The following RIMS2 variants were observed in gnomAD, a reference collection of about 807,000 sequenced individuals.
RIMS2 encodes the protein regulating synaptic membrane exocytosis 2, also known as regulating synaptic membrane exocytosis protein 2.
Under a neutral mutation model 174.4 loss-of-function variants are expected in RIMS2, and 59 were observed. The observed-to-expected ratio is 0.34, with a 90% confidence interval of 0.27 to 0.42. The LOEUF (loss-of-function observed/expected upper bound fraction) is 0.42, where lower values mean the gene tolerates loss of function less well. RIMS2 is among the 10% of genes least tolerant of loss of function. The probability of loss-of-function intolerance (pLI) is 1.00; values close to 1 mark genes in which losing one functional copy is unlikely to be tolerated. For synonymous variants in RIMS2, 606 were observed against 572.5 expected (o/e 1.06, Z -0.84); for missense variants, 1,620 against 1,666.3 (o/e 0.97, Z 0.48).
intron 5 of RIMS2, among the ~76,000 whole-genome samples, chr8:103,911,178 A>T (rs979899435): frequency 6.6e-6 from 1 of 152,184 alleles, no homozygotes. Context: ...TAAATTTTGC[A>T]TGAAGATATG....
intron 1 of RIMS2, chr8:103,652,626 G>A (rs1223373606): frequency 1.5e-6 from 2 of 1,344,638 alleles, no homozygotes; most frequent in South Asian, 1.1e-5. Context: ...TTAAACAGGT[G>A]GTTTCCCTTT....
At chr8:103,632,968 T>C (rs2095975765) in intron 1 of RIMS2, among the ~76,000 whole-genome samples, 1 of 145,760 alleles carries the variant, frequency 6.9e-6, no homozygotes, top group Non-Finnish European at 1.5e-5. Context: ...CTCCTGACCC[T>C]GTGATCCGCC....
At chr8:103,767,542 A>G (rs897474991) in intron 3 of RIMS2, among the ~76,000 whole-genome samples, 4 of 152,190 alleles carry the variant, frequency 2.6e-5, no homozygotes, top group Admixed American at 2.6e-4. Context: ...TCTGGTTTAT[A>G]CTATTTCTGT....
chr8:103,601,085 G>A (rs747148396), intron 1 of RIMS2, among the ~76,000 whole-genome samples: 22 of 152,194 alleles, frequency 1.4e-4, no homozygotes, highest in Non-Finnish European at 2.9e-4. Context: ...CGTTGTTTGA[G>A]CTCCTTATAT....
intron 1 of RIMS2, among the ~76,000 whole-genome samples, chr8:103,577,600 T>TA (rs1451198724): frequency 6.6e-6 from 1 of 152,216 alleles, no homozygotes; most frequent in East Asian, 1.9e-4. Flanking sequence ...TCCCAGAACT[T>TA]AAAGTATAAT....
At chr8:103,992,017 T>C (rs1053571315) in intron 17 of RIMS2, among the ~76,000 whole-genome samples, 6 of 152,228 alleles carry the variant, frequency 3.9e-5, no homozygotes, top group African/African-American at 1.4e-4. Context: ...AAGGATATAT[T>C]CACTTGCAAA....
chr8:104,213,875 C>T (rs1341707818), intron 19 of RIMS2, among the ~76,000 whole-genome samples: 3 of 113,518 alleles, frequency 2.6e-5, no homozygotes, highest in African/African-American at 7.6e-5. Flanking sequence ...GACTCTGCCT[C>T]GGAAAAAAAA....
chr8:103,776,431 A>C (rs946774317), intron 3 of RIMS2, among the ~76,000 whole-genome samples: 8 of 152,178 alleles, frequency 5.3e-5, no homozygotes, highest in African/African-American at 1.9e-4. Context: ...GGAGATTATA[A>C]ATTAGGGTAG....
chr8:104,079,620 TATATATATATATA>T, intron 19 of RIMS2, among the ~76,000 whole-genome samples: 1 of 132,442 alleles, frequency 7.6e-6, no homozygotes, highest in African/African-American at 2.8e-5. Flanking sequence ...TATATATATA[TATATATATATATA>T]TATATATATG....
intron 1 of RIMS2, among the ~76,000 whole-genome samples, chr8:103,530,058 T>C (rs926936593): frequency 3.9e-5 from 6 of 152,102 alleles, no homozygotes; most frequent in East Asian, 1.9e-4. Flanking sequence ...TGGAAATTAG[T>C]GTTGGGTGTA....
chr8:103,570,607 T>C (rs1000156702), intron 1 of RIMS2, among the ~76,000 whole-genome samples: 16 of 152,306 alleles, frequency 1.1e-4, no homozygotes, highest in South Asian at 2.1e-4. Flanking sequence ...AATTGTGTTT[T>C]ATTTCTTGGT....
intron 14 of RIMS2, among the ~76,000 whole-genome samples, chr8:103,960,140 G>T (rs2089446299): frequency 6.6e-6 from 1 of 152,154 alleles, no homozygotes; most frequent in South Asian, 2.1e-4. Context: ...TGTGTGGGGT[G>T]TGTCTGTTCC....
intron 1 of RIMS2, among the ~76,000 whole-genome samples, chr8:103,615,328 A>T (rs952587649): frequency 6.6e-6 from 1 of 152,224 alleles, no homozygotes; most frequent in African/African-American, 2.4e-5. Context: ...CTTTGAAAAT[A>T]ATGAGAACAA....
intron 3 of RIMS2, chr8:103,819,512 A>T: frequency 6.2e-7 from 1 of 1,612,522 alleles, no homozygotes; most frequent in South Asian, 1.1e-5. Context: ...AAGAAAATGC[A>T]ATTTGAGACA....
At chr8:104,147,208 C>A (rs2098648037) in intron 19 of RIMS2, among the ~76,000 whole-genome samples, 1 of 151,940 alleles carries the variant, frequency 6.6e-6, no homozygotes, top group Admixed American at 6.6e-5. Context: ...CTCTTCTTTT[C>A]TCTTCTCTCC....
chr8:103,510,642 T>TGG (rs1026504236), intron 1 of RIMS2, among the ~76,000 whole-genome samples: 2 of 152,138 alleles, frequency 1.3e-5, no homozygotes, highest in Non-Finnish European at 2.9e-5. Flanking sequence ...GAACAAGCAG[T>TGG]GGGGCATTTT....
chr8:103,855,391 A>G (rs951881419), intron 3 of RIMS2, among the ~76,000 whole-genome samples: 1 of 151,902 alleles, frequency 6.6e-6, no homozygotes, highest in Admixed American at 6.6e-5. Context: ...TTCTTCTGCT[A>G]GCTTTGGGAT....
intron 19 of RIMS2, among the ~76,000 whole-genome samples, chr8:104,049,348 C>A (rs1443678389): frequency 1.3e-5 from 2 of 151,986 alleles, no homozygotes; most frequent in East Asian, 1.9e-4. Context: ...GAACCCGAAC[C>A]CGGGAGGCGG....
intron 15 of RIMS2, among the ~76,000 whole-genome samples, chr8:103,972,327 A>G (rs1053360926): frequency 6.6e-6 from 1 of 152,096 alleles, no homozygotes; most frequent in African/African-American, 2.4e-5. Context: ...ATGTCCCTCA[A>G]ATCTTTCACA....
Sources: allele counts gnomAD v4.1 joint callset (sites outside exome capture counted in the v4.1 genomes callset), GRCh38; gene constraint gnomAD v4.1.1; transcripts MANE v1.5; gene names NCBI Gene and HGNC (gene_info 2026-07-23, HGNC 2026-07-21).